The following GATAD2B variants were observed in gnomAD, a reference collection of about 807,000 sequenced individuals.
GATAD2B encodes transcriptional repressor p66-beta.
Under a neutral mutation model 64.3 loss-of-function variants are expected in GATAD2B, and 8 were observed. The observed-to-expected ratio is 0.12, with a 90% CI of 0.07 to 0.22. The LOEUF is 0.22. Among genes scored for constraint, GATAD2B ranks in the 10% least tolerant of loss-of-function variants. The probability of loss-of-function intolerance (pLI) is 1.00; values close to 1 mark genes in which losing one functional copy is unlikely to be tolerated. For synonymous variants in GATAD2B, 281 were observed against 271.3 expected, an observed-to-expected ratio of 1.04 and a Z score of -0.35; for missense variants, 453 against 752.0, an observed-to-expected ratio of 0.60 and a Z score of 4.65.
rs1674182751 is a variant in GATAD2B at position 153,808,723 on chromosome 1, A to T, written c.*1454T>A. 1 of 152,068 alleles carries T rather than the reference A, an allele frequency of 6.6e-6. No individual in the cohort carries two copies. Among genetic ancestry groups the T allele is most frequent in the African/African-American group, 2.4e-5 (1 of 41,198 alleles). The allele number at this position is 152,068 out of a possible 1,614,324, so 9.4% of individuals were successfully genotyped here. ...ACTCCGTCTTCCCACAGTGTGGGCA[A>T]ATGGGATGCTAATCTCCCCAGTCCC... On this transcript the variant is annotated 3_prime_UTR_variant, in exon 11 of 11. Coordinates refer to ENST00000368655, the MANE Select transcript of GATAD2B (RefSeq NM_020699.4).
intron 1 of GATAD2B, among the ~76,000 whole-genome samples, chr1:153,875,684 A>G (rs796363281): frequency 2.6e-3 from 19 of 7,240 alleles, no homozygotes; most frequent in South Asian, 0.017. Flanking sequence ...GTTTGGAGGG[A>G]AAAAAAAAAA....
At chr1:153,835,787 A>T (rs990650778) in intron 1 of GATAD2B, among the ~76,000 whole-genome samples, 32 of 151,616 alleles carry the variant, frequency 2.1e-4, no homozygotes, top group African/African-American at 7.5e-4. Context: ...GAGTGGCGTG[A>T]TCTCGGTTCA....
Position 153,808,127 on chromosome 1 carries a change from C to T in GATAD2B, c.*2050G>A, listed in dbSNP as rs1415267407. ...TCCATTAACCCCCCTCCCTCTCCCA[C>T]CACTTACAGTCAGGGGTACCACATT... On this transcript the variant is annotated 3_prime_UTR_variant, in exon 11 of 11. Coordinates refer to ENST00000368655, the MANE Select transcript of GATAD2B (RefSeq NM_020699.4). The T allele has an allele frequency of 2.6e-5, 4 of 152,460 alleles. No individual in the cohort carries two copies. Among genetic ancestry groups the T allele is most frequent in the African/African-American group, 9.7e-5 (4 of 41,422 alleles). The allele number at this position is 152,460 out of a possible 1,614,324, so 9.4% of individuals were successfully genotyped here.
At chr1:153,917,028 G>C (rs759367171) in intron 1 of GATAD2B, among the ~76,000 whole-genome samples, 1 of 150,690 alleles carries the variant, frequency 6.6e-6, no homozygotes, top group Non-Finnish European at 1.5e-5. Context: ...GGCGGGTCTT[G>C]AACTCCTGAC....
intron 1 of GATAD2B, among the ~76,000 whole-genome samples, chr1:153,908,696 G>C (rs1432552654): frequency 6.8e-6 from 1 of 147,410 alleles, no homozygotes; most frequent in Non-Finnish European, 1.5e-5. Flanking sequence ...TTGAACTCCT[G>C]ACCTCAGGTG....
At chr1:153,902,020 C>T (rs1266266038) in intron 1 of GATAD2B, among the ~76,000 whole-genome samples, 1 of 149,902 alleles carries the variant, frequency 6.7e-6, no homozygotes, top group Non-Finnish European at 1.5e-5. Context: ...GTGGTTCACA[C>T]CTGTAATCCC....
At chr1:153,843,914 A>C (rs552468737) in intron 1 of GATAD2B, among the ~76,000 whole-genome samples, 5 of 152,200 alleles carry the variant, frequency 3.3e-5, no homozygotes, top group Admixed American at 6.5e-5. Flanking sequence ...GAGTGACAAG[A>C]AGCAAATGAA....
chr1:153,853,038 C>A, intron 1 of GATAD2B: 3 of 1,481,002 alleles, frequency 2.0e-6, no homozygotes, highest in Non-Finnish European at 1.9e-6. Flanking sequence ...ATCCTTGGCC[C>A]CAGTCACAGT....
At position 153,820,824 on chromosome 1, in the gene GATAD2B, C is replaced by T. The variant is rs796984719; in HGVS notation, c.336-1089G>A. Among the ~76,000 whole-genome samples the T allele has an allele frequency of 3.3e-5, 5 of 151,948 alleles. 1 individual carries two copies. Among genetic ancestry groups the T allele is most frequent in the African/African-American group, 1.2e-4 (5 of 41,452 alleles). ...TTTGTACTTTTTGTAGAGACAGGGT[C>T]TTACTATGTTGCCCAAGCTGGTCTT... On this transcript the variant is annotated intron_variant, in intron 2 of 10. Coordinates refer to ENST00000368655, the MANE Select transcript of GATAD2B (RefSeq NM_020699.4).
chr1:153,855,221 T>C (rs1244365081), intron 1 of GATAD2B, among the ~76,000 whole-genome samples: 1 of 32,372 alleles, frequency 3.1e-5, no homozygotes, highest in Non-Finnish European at 9.6e-5. Context: ...TTAGCTTTCT[T>C]TTTGTTTTTT....
At chr1:153,827,336 C>T (rs1674920231) in intron 2 of GATAD2B, among the ~76,000 whole-genome samples, 1 of 151,526 alleles carries the variant, frequency 6.6e-6, no homozygotes, top group Non-Finnish European at 1.5e-5. Context: ...TGATTCACTG[C>T]ACAGGGAGAC....
chr1:153,889,429 A>C (rs2101947611), intron 1 of GATAD2B, among the ~76,000 whole-genome samples: 1 of 151,148 alleles, frequency 6.6e-6, no homozygotes, highest in South Asian at 2.1e-4. Context: ...AAAAAAAAAA[A>C]AAAAAAACAC....
rs1291897165 is a variant in GATAD2B at position 153,809,979 on chromosome 1, C to G, written c.*198G>C. Reference sequence around the variant, plus strand: ...AGAGCGGCAGAAGAACAGATCGCAGCAGTGTGAAATAAAGGGGAGGTGGCA... The same window carrying G: ...AGAGCGGCAGAAGAACAGATCGCAGGAGTGTGAAATAAAGGGGAGGTGGCA... On this transcript the variant is annotated 3_prime_UTR_variant, in exon 11 of 11. Transcript: ENST00000368655. The G allele has an allele frequency of 9.2e-6, 5 of 545,740 alleles. No individual in the cohort carries two copies. The highest frequency in any genetic ancestry group is 3.8e-5 in the Admixed American group (1 of 26,628). 33.8% of individuals were successfully genotyped at this position (545,740 alleles called of 1,614,324 possible). A position where few individuals can be genotyped will look rare whatever the true frequency, so the allele number is the denominator to read the frequency against.
At chr1:153,919,627 C>A (rs1290210026) in intron 1 of GATAD2B, among the ~76,000 whole-genome samples, 2 of 152,174 alleles carry the variant, frequency 1.3e-5, no homozygotes, top group African/African-American at 2.4e-5. Flanking sequence ...ACCACAAAAT[C>A]CAGTCATTGT....
At chr1:153,822,440 TA>T (rs1674713509) in intron 2 of GATAD2B, among the ~76,000 whole-genome samples, 1 of 152,186 alleles carries the variant, frequency 6.6e-6, no homozygotes, top group African/African-American at 2.4e-5. Context: ...AGAACAACTT[TA>T]AATGATTATT....
intron 1 of GATAD2B, among the ~76,000 whole-genome samples, chr1:153,883,715 CTTTT>C (rs527982984): frequency 1.4e-5 from 2 of 139,666 alleles, no homozygotes; most frequent in Non-Finnish European, 3.1e-5. Context: ...TTTTTTTTTT[CTTTT>C]TTATCAGTTT....
At chr1:153,825,517 GGGTTC>G (rs1674842562) in intron 2 of GATAD2B, among the ~76,000 whole-genome samples, 1 of 152,044 alleles carries the variant, frequency 6.6e-6, no homozygotes, top group African/African-American at 2.4e-5. Flanking sequence ...TCTACCATCT[GGGTTC>G]AAGCAATTCT....
At chr1:153,887,088 T>A (rs955497258) in intron 1 of GATAD2B, among the ~76,000 whole-genome samples, 3 of 152,114 alleles carry the variant, frequency 2.0e-5, no homozygotes, top group Non-Finnish European at 4.4e-5. Context: ...ACAAATCAGA[T>A]CACAGAACAG....
At chr1:153,830,914 G>C (rs747240379) in intron 1 of GATAD2B, among the ~76,000 whole-genome samples, 2 of 152,250 alleles carry the variant, frequency 1.3e-5, no homozygotes, top group Middle Eastern at 3.4e-3. Context: ...AGTAGCTAGA[G>C]ACGCGTGCCA....
Sources: gnomAD v4.1 joint callset for allele counts (sites outside exome capture counted in the v4.1 genomes callset) on GRCh38, gnomAD v4.1.1 for gene constraint, MANE v1.5 for transcripts, NCBI Gene and HGNC (gene_info 2026-07-23, HGNC 2026-07-21) for gene names.